REPS2: variants seen among roughly 807,000 people sequenced by gnomAD.
REPS2 encodes the protein ralBP1-associated Eps domain-containing protein 2.
Under a neutral mutation model 53.6 loss-of-function variants are expected in REPS2, and 23 were observed. The observed-to-expected ratio is 0.43, with a 90% CI of 0.31 to 0.61. The LOEUF (loss-of-function observed/expected upper bound fraction) is 0.61, where lower values mean the gene tolerates loss of function less well. Among genes scored for constraint, REPS2 ranks in the 20% least tolerant of loss-of-function variants. The pLI, the probability that REPS2 is intolerant of heterozygous loss-of-function variation, is 0.11. For missense variants in REPS2, 446 were observed against 534.9 expected (o/e 0.83, Z 1.64); for synonymous variants, 238 against 218.6 (o/e 1.09, Z -0.78).
At chrX:17,049,685 A>T (rs753107116) in intron 6 of REPS2, among the ~76,000 whole-genome samples, 1 of 111,378 alleles carries the variant, frequency 9.0e-6, no homozygotes, top group African/African-American at 3.3e-5. Context: ...AAATAAGCAC[A>T]TCATGAAGAA....
At chrX:17,097,778 A>C (rs1487547856) in intron 13 of REPS2, among the ~76,000 whole-genome samples, 1 of 111,946 alleles carries the variant, frequency 8.9e-6, no homozygotes, top group Non-Finnish European at 1.9e-5. Flanking sequence ...TATGGACACC[A>C]TTATGCTAAT....
At chrX:17,139,023 T>A in intron 17 of REPS2, 62 bp downstream of exon 17, 3 of 711,256 alleles carry the variant, frequency 4.2e-6, no homozygotes, top group Non-Finnish European at 6.2e-6. Context: ...AAAGCTTTTT[T>A]TTAATTTAAT....
At position 17,062,438 on chromosome X, in the gene REPS2, C is replaced by CTT; in HGVS notation, c.1118_1119dup (p.Pro374PhefsTer27). The stretch of plus-strand genomic sequence containing the variant: ...ATATATTCTTTTTGTTTCTTCTTAG[C>CTT]TTTTCCTAAGCCCAAATGGGACTGT... On this transcript the variant is annotated frameshift_variant and splice_region_variant, in exon 9 of 18. Transcript: ENST00000357277. LOFTEE classifies it high-confidence loss of function. 8.4e-7 allele frequency: 1 copy of CTT among 1,187,326 alleles called. No individual in the cohort carries two copies. Among genetic ancestry groups the CTT allele is most frequent in the Non-Finnish European group, 1.1e-6 (1 of 878,801 alleles).
chrX:17,032,075 C>G (rs1043734792), intron 5 of REPS2, among the ~76,000 whole-genome samples: 1 of 111,679 alleles, frequency 9.0e-6, no homozygotes, highest in African/African-American at 3.3e-5. Context: ...AGATGAAATA[C>G]TGGCACTGGG....
chrX:17,070,728 A>G (rs1329620862), intron 11 of REPS2, among the ~76,000 whole-genome samples: 1 of 112,194 alleles, frequency 8.9e-6, no homozygotes, highest in African/African-American at 3.2e-5. Context: ...GTTTGTTGTG[A>G]TAAGCTAGCT....
the REPS2 span, among the ~76,000 whole-genome samples, chrX:17,194,921 C>T: frequency 6.2e-5 from 7 of 112,191 alleles, no homozygotes; most frequent in Admixed American, 1.9e-4. Context: ...TAAAATATTA[C>T]TGATCTCTTT....
At chrX:16,951,537 ACACACACACACACACACACACAC>A (rs1322554820) in intron 1 of REPS2, among the ~76,000 whole-genome samples, 4 of 54,431 alleles carry the variant, frequency 7.3e-5, no homozygotes, top group Non-Finnish European at 1.5e-4. Flanking sequence ...ACACACACAC[ACACACACACACACACACACACAC>A]CCCCGCTACC....
At chrX:17,091,797 T>G (rs765192174) in intron 13 of REPS2, among the ~76,000 whole-genome samples, 1 of 112,033 alleles carries the variant, frequency 8.9e-6, no homozygotes, top group Admixed American at 9.5e-5. Flanking sequence ...AGGTCATACA[T>G]GCTTTTATGA....
At chrX:17,094,115 C>T (rs1367927705) in intron 13 of REPS2, among the ~76,000 whole-genome samples, 1 of 112,069 alleles carries the variant, frequency 8.9e-6, no homozygotes, top group Non-Finnish European at 1.9e-5. Flanking sequence ...TGGTGAAGCA[C>T]ATCCTTCAGC....
intron 14 of REPS2, among the ~76,000 whole-genome samples, chrX:17,121,561 A>G (rs1198563116): frequency 1.8e-5 from 2 of 112,224 alleles, no homozygotes; most frequent in Non-Finnish European, 3.8e-5. Context: ...AGTCTAGGGC[A>G]CTGTTTTAGC....
intron 2 of REPS2, among the ~76,000 whole-genome samples, chrX:17,017,088 C>T (rs1009819600): frequency 1.8e-5 from 2 of 111,570 alleles, no homozygotes; most frequent in South Asian, 7.5e-4. Flanking sequence ...CCTCCCACCT[C>T]AGCCTCCTGA....
intron 8 of REPS2, among the ~76,000 whole-genome samples, chrX:17,061,982 T>A (rs2062164378): frequency 8.9e-6 from 1 of 112,853 alleles, no homozygotes; most frequent in Non-Finnish European, 1.9e-5. Context: ...TTATAAGATC[T>A]TGCCTATTTC....
At chrX:16,968,650 A>AC (rs1392167466) in intron 1 of REPS2, among the ~76,000 whole-genome samples, 6 of 80,508 alleles carry the variant, frequency 7.5e-5, no homozygotes, top group South Asian at 6.7e-4. Context: ...CGGGGGGCTG[A>AC]CCCCCCCACC....
chrX:17,025,007 A>T (rs1386017780), intron 3 of REPS2, 52 bp from the exon 4 acceptor site: 2 of 1,209,123 alleles, frequency 1.7e-6, no homozygotes, highest in African/African-American at 3.5e-5. Context: ...ACTGCAGCTC[A>T]GAACGCCAGG....
intron 1 of REPS2, among the ~76,000 whole-genome samples, chrX:16,966,075 G>C (rs906720343): frequency 8.9e-5 from 10 of 112,410 alleles, no homozygotes; most frequent in Admixed American, 9.3e-5. Flanking sequence ...GTCCAGCTTC[G>C]GCTCGGCATC....
intron 5 of REPS2, among the ~76,000 whole-genome samples, chrX:17,032,271 G>C (rs998344283): frequency 3.6e-5 from 4 of 111,935 alleles, no homozygotes; most frequent in African/African-American, 1.3e-4. Context: ...AACCAGACAG[G>C]TGCTCGCCCA....
chrX:17,135,639 G>C, intron 16 of REPS2: 3 of 315,636 alleles, frequency 9.5e-6, no homozygotes, highest in Non-Finnish European at 1.6e-5. Context: ...GTGGTGTTTG[G>C]TTTGGTTTGA....
At chrX:16,953,098 CAA>C (rs1491499284) in intron 1 of REPS2, among the ~76,000 whole-genome samples, 205 of 78,797 alleles carry the variant, frequency 2.6e-3, no homozygotes, top group Non-Finnish European at 4.0e-3. Flanking sequence ...AACCAAAAAA[CAA>C]ACACACACAC....
chrX:17,186,745 G>T, the REPS2 span, among the ~76,000 whole-genome samples: 1 of 111,680 alleles, frequency 9.0e-6, no homozygotes, highest in Non-Finnish European at 1.9e-5. Context: ...CACAAAGCAG[G>T]TCAAGGTGGC....
Sources: gnomAD v4.1 joint callset for allele counts (sites outside exome capture counted in the v4.1 genomes callset) on GRCh38, gnomAD v4.1.1 for gene constraint, MANE v1.5 for transcripts, NCBI Gene and HGNC (gene_info 2026-07-23, HGNC 2026-07-21) for gene names.